The following CERT1 variants were observed in gnomAD, a reference collection of about 807,000 sequenced individuals.
CERT1 encodes ceramide transporter 1.
In CERT1, 31 loss-of-function variants were observed where a neutral mutation model predicts 87.9. That is an observed-to-expected ratio of 0.35 (90% CI 0.27 to 0.48). The LOEUF (loss-of-function observed/expected upper bound fraction) is 0.48, where lower values mean the gene tolerates loss of function less well. Ranked by LOEUF, CERT1 falls within the 20% of genes least tolerant of loss-of-function variation. The pLI is 0.99. For missense variants in CERT1, 487 were observed against 758.0 expected (o/e 0.64, Z 4.20); for synonymous variants, 289 against 250.9 (o/e 1.15, Z -1.44).
At chr5:75,432,057 CT>C (rs578175246) in intron 3 of CERT1, among the ~76,000 whole-genome samples, 279 of 143,222 alleles carry the variant, frequency 1.9e-3, no homozygotes, top group African/African-American at 3.5e-3. Flanking sequence ...TTCCCCCCCC[CT>C]TTTTTTTTTT....
intron 6 of CERT1, among the ~76,000 whole-genome samples, chr5:75,417,895 G>A (rs887216166): frequency 6.6e-6 from 1 of 152,204 alleles, no homozygotes; most frequent in African/African-American, 2.4e-5. Flanking sequence ...GGTGGCTCAC[G>A]CCTGTAATCC....
At chr5:75,492,396 T>C (rs1480103646) in intron 2 of CERT1, among the ~76,000 whole-genome samples, 3 of 151,934 alleles carry the variant, frequency 2.0e-5, no homozygotes, top group Non-Finnish European at 4.4e-5. Flanking sequence ...AATCTGATGG[T>C]AGAGACAGAA....
At chr5:75,469,909 T>C (rs1765636444) in intron 2 of CERT1, among the ~76,000 whole-genome samples, 1 of 152,004 alleles carries the variant, frequency 6.6e-6, no homozygotes, top group East Asian at 1.9e-4. Flanking sequence ...CAAAAGACAG[T>C]AGGAATAGCT....
chr5:75,499,022 T>C (rs777587694), intron 2 of CERT1, among the ~76,000 whole-genome samples: 2 of 152,196 alleles, frequency 1.3e-5, no homozygotes, highest in African/African-American at 2.4e-5. Context: ...ATGTGAGACA[T>C]GGAGTCAAAG....
intron 11 of CERT1, among the ~76,000 whole-genome samples, chr5:75,393,576 G>A (rs528721542): frequency 6.7e-5 from 6 of 88,906 alleles, no homozygotes; most frequent in South Asian, 4.4e-4. Context: ...GTTAAGTCTC[G>A]GCAACATAGC....
chr5:75,441,696 C>A (rs900164623), intron 3 of CERT1, among the ~76,000 whole-genome samples: 1 of 152,188 alleles, frequency 6.6e-6, no homozygotes. Context: ...TGACTGGCTT[C>A]ACTTAGCATA....
chr5:75,449,714 T>C (rs1418593802), intron 3 of CERT1, among the ~76,000 whole-genome samples: 1 of 152,120 alleles, frequency 6.6e-6, no homozygotes, highest in Admixed American at 6.5e-5. Context: ...GGTGTTTTTT[T>C]TTTTAAAGCC....
At chr5:75,409,847 T>A (rs1212004259) in intron 8 of CERT1, among the ~76,000 whole-genome samples, 3 of 151,200 alleles carry the variant, frequency 2.0e-5, no homozygotes, top group African/African-American at 7.3e-5. Flanking sequence ...TTTTTTTTTT[T>A]AAAGAGACAA....
upstream of CERT1, chr5:75,511,897 G>C: frequency 7.1e-7 from 1 of 1,414,044 alleles, no homozygotes; most frequent in Non-Finnish European, 9.6e-7. Context: ...AGTTGTAGTC[G>C]CGATCCTGAG....
downstream of CERT1, chr5:75,374,262 G>T: frequency 2.5e-6 from 1 of 405,180 alleles, no homozygotes; most frequent in South Asian, 1.2e-4. Flanking sequence ...ACAGCTGCAA[G>T]ACTACCAGAA....
At chr5:75,417,138 T>C (rs1763164576) in intron 6 of CERT1, 105 bp from the exon 7 acceptor site, 2 of 936,156 alleles carry the variant, frequency 2.1e-6, no homozygotes, top group Non-Finnish European at 3.1e-6. Context: ...GAGCAGGTTT[T>C]GGGATTTTAA....
At chr5:75,409,273 AGG>A (rs1762835083) in intron 8 of CERT1, among the ~76,000 whole-genome samples, 1 of 152,190 alleles carries the variant, frequency 6.6e-6, no homozygotes, top group Non-Finnish European at 1.5e-5. Flanking sequence ...ACATTTTAGA[AGG>A]GATAAATTGA....
intron 2 of CERT1, among the ~76,000 whole-genome samples, chr5:75,488,259 G>A (rs1035917520): frequency 6.6e-6 from 1 of 151,928 alleles, no homozygotes; most frequent in East Asian, 1.9e-4. Context: ...CATTTACCAC[G>A]ATGTGATTAT....
chr5:75,499,563 A>C (rs1767246464), intron 2 of CERT1, among the ~76,000 whole-genome samples: 1 of 152,154 alleles, frequency 6.6e-6, no homozygotes, highest in Non-Finnish European at 1.5e-5. Flanking sequence ...GAGTCAATTA[A>C]ATCTCTTTTC....
chr5:75,408,263 C>G (rs1762793824), intron 8 of CERT1, among the ~76,000 whole-genome samples: 1 of 152,154 alleles, frequency 6.6e-6, no homozygotes, highest in Non-Finnish European at 1.5e-5. Flanking sequence ...CTTCAGGACT[C>G]AGACCTTAGT....
chr5:75,385,773 CCTCTATATGATTTT>C, intron 13 of CERT1, 115 bp downstream of exon 13: 1 of 605,970 alleles, frequency 1.7e-6, no homozygotes, highest in Non-Finnish European at 2.5e-6. Flanking sequence ...TATTGCTAGT[CCTCTATATGATTTT>C]CCAAATACTT....
Position 75,379,492 on chromosome 5 carries a change from T to A in CERT1, c.1748-19A>T. 6.3e-7 allele frequency: 1 copy of A among 1,599,748 alleles called. No individual in the cohort carries two copies. Among genetic ancestry groups the A allele is most frequent in the Non-Finnish European group, 8.5e-7 (1 of 1,174,530 alleles). On this transcript the variant is annotated intron_variant, in intron 16 of 16. Coordinates refer to ENST00000643780, the MANE Select transcript of CERT1 (RefSeq NM_001379029.1). ...GGGTTCACTGCAAGATAAAGGAAAA[T>A]TAAAATGTATTAAGATACAATTCTC... is the stretch of plus-strand genomic sequence containing the variant.
intron 17 of CERT1, chr5:75,369,186 G>C (rs1760998210): frequency 6.6e-6 from 1 of 152,210 alleles, no homozygotes; most frequent in Admixed American, 6.5e-5. Context: ...AAAGTGCTGG[G>C]ATTACAGGTG....
chr5:75,478,786 C>A (rs1455864123), intron 2 of CERT1, among the ~76,000 whole-genome samples: 3 of 151,592 alleles, frequency 2.0e-5, no homozygotes, highest in Non-Finnish European at 2.9e-5. Flanking sequence ...CCCTCTACCC[C>A]CTATCTGATA....
Sources: allele counts gnomAD v4.1 joint callset (sites outside exome capture counted in the v4.1 genomes callset), GRCh38; gene constraint gnomAD v4.1.1; transcripts MANE v1.5; gene names NCBI Gene and HGNC (gene_info 2026-07-23, HGNC 2026-07-21).